The following CSNK1G3 variants were observed in gnomAD, a reference collection of about 807,000 sequenced individuals.
CSNK1G3 encodes casein kinase 1 gamma 3.
CSNK1G3 carries 23 observed loss-of-function variants against 64.3 expected under a neutral mutation model. That is an observed-to-expected ratio of 0.36 (90% CI 0.26 to 0.51). CSNK1G3 has a LOEUF of 0.51. Among genes scored for constraint, CSNK1G3 ranks in the 20% least tolerant of loss-of-function variants. The probability of loss-of-function intolerance (pLI) is 0.96; values close to 1 mark genes in which losing one functional copy is unlikely to be tolerated. For synonymous variants in CSNK1G3, 158 were observed against 162.2 expected, an observed-to-expected ratio of 0.97 and a Z score of 0.20; for missense variants, 357 against 510.5, an observed-to-expected ratio of 0.70 and a Z score of 2.90.
chr5:123,568,239 C>T (rs192885212), intron 4 of CSNK1G3, among the ~76,000 whole-genome samples: 1 of 152,236 alleles, frequency 6.6e-6, no homozygotes, highest in East Asian at 1.9e-4. Flanking sequence ...AATGGTTTCG[C>T]TGGGATTCAG....
At chr5:123,587,336 A>T (rs1362383064) in intron 6 of CSNK1G3, among the ~76,000 whole-genome samples, 1 of 152,168 alleles carries the variant, frequency 6.6e-6, no homozygotes, top group African/African-American at 2.4e-5. Flanking sequence ...TATTATTTTG[A>T]AACATCAAGA....
intron 4 of CSNK1G3, among the ~76,000 whole-genome samples, chr5:123,573,131 G>A (rs1788456312): frequency 6.6e-6 from 1 of 152,144 alleles, no homozygotes; most frequent in African/African-American, 2.4e-5. Context: ...GTAATAAGGT[G>A]GTAGAGAGAA....
chr5:123,545,988 T>C, intron 2 of CSNK1G3, 147 bp downstream of exon 2: 1 of 743,190 alleles, frequency 1.3e-6, no homozygotes, highest in Non-Finnish European at 2.2e-6. Context: ...AAATTTCTTT[T>C]GTAGTTGTAT....
At chr5:123,576,073 T>C (rs1024924080) in intron 6 of CSNK1G3, 110 bp downstream of exon 6, 7 of 623,408 alleles carry the variant, frequency 1.1e-5, no homozygotes. Context: ...GCTTTTATTA[T>C]AATTTTCATT....
intron 10 of CSNK1G3, among the ~76,000 whole-genome samples, chr5:123,598,096 A>G (rs1215652099): frequency 6.6e-6 from 1 of 152,144 alleles, no homozygotes; most frequent in Non-Finnish European, 1.5e-5. Context: ...ACGTTTGATA[A>G]ACTTTTTCCA....
intron 4 of CSNK1G3, among the ~76,000 whole-genome samples, chr5:123,559,064 T>G (rs1299081154): frequency 2.0e-5 from 3 of 152,320 alleles, no homozygotes; most frequent in East Asian, 3.8e-4. Context: ...TTCCTAAAAA[T>G]TTCAGCAAAA....
At chr5:123,614,296 T>C (rs2151291538) in intron 12 of CSNK1G3, 46 bp from the exon 14 acceptor site, 1 of 1,579,590 alleles carries the variant, frequency 6.3e-7, no homozygotes, top group Non-Finnish European at 8.6e-7. Context: ...AACTTTGTGA[T>C]ATTTTAGTGC....
At chr5:123,600,264 A>C (rs1245432202) in intron 10 of CSNK1G3, among the ~76,000 whole-genome samples, 2 of 152,174 alleles carry the variant, frequency 1.3e-5, no homozygotes, top group Non-Finnish European at 2.9e-5. Flanking sequence ...TAATTAAAAT[A>C]TTTGGTTAAT....
chr5:123,614,550 C>A, exon 13 of CSNK1G3: 54 of 525,014 alleles, frequency 1.0e-4, no homozygotes, highest in East Asian at 1.5e-4. Context: ...GGTTGTCTTA[C>A]ATTCTTTTTC....
intron 1 of CSNK1G3, among the ~76,000 whole-genome samples, chr5:123,527,175 T>G (rs1178690263): frequency 1.3e-5 from 2 of 152,318 alleles, no homozygotes; most frequent in South Asian, 4.1e-4. Flanking sequence ...TTAGAAATAG[T>G]GATTTACGGG....
chr5:123,517,184 C>A lies in CSNK1G3; in HGVS notation c.-248+4614C>A, dbSNP rs1777322450. Among the ~76,000 whole-genome samples the A allele has an allele frequency of 3.3e-5, 5 of 152,136 alleles. No individual in the cohort carries two copies. The South Asian group carries it at 1.0e-3, about 32-fold the overall frequency. ...CTCTCATACCTGACCTCTGCTTAAC[C>A]CACTCGTGAGATTAAATGATAGTCT... On this transcript the variant is annotated intron_variant, in intron 1 of 12. Coordinates refer to ENST00000345990, the Ensembl canonical transcript of CSNK1G3.
intron 4 of CSNK1G3, among the ~76,000 whole-genome samples, chr5:123,569,642 A>C (rs920110057): frequency 6.6e-6 from 1 of 152,210 alleles, no homozygotes; most frequent in Non-Finnish European, 1.5e-5. Context: ...AGCATATAAA[A>C]ATTTTTACAA....
At chr5:123,515,827 C>T (rs1157511759) in intron 1 of CSNK1G3, among the ~76,000 whole-genome samples, 2 of 152,080 alleles carry the variant, frequency 1.3e-5, no homozygotes, top group Non-Finnish European at 2.9e-5. Context: ...AACAATACCT[C>T]CTATAATTTA....
At chr5:123,600,176 C>T (rs1022880934) in intron 10 of CSNK1G3, among the ~76,000 whole-genome samples, 1 of 151,876 alleles carries the variant, frequency 6.6e-6, no homozygotes, top group African/African-American at 2.4e-5. Context: ...TTATAGATGC[C>T]TTTTTAAAAA....
chr5:123,606,335 A>G (rs1795364374), intron 12 of CSNK1G3, among the ~76,000 whole-genome samples: 1 of 152,142 alleles, frequency 6.6e-6, no homozygotes, highest in Admixed American at 6.6e-5. Flanking sequence ...TTTTAAATCA[A>G]ATATAAAAAC....
chr5:123,539,931 T>TG (rs775851166), intron 1 of CSNK1G3, among the ~76,000 whole-genome samples: 4 of 152,322 alleles, frequency 2.6e-5, no homozygotes, highest in Middle Eastern at 6.8e-3. Flanking sequence ...CTAAAGTTAC[T>TG]CATAGTCCTT....
rs758821874 is a variant in CSNK1G3 at position 123,588,157 on chromosome 5, AT to A, written c.759+6del. The A allele has an allele frequency of 1.3e-6, 2 of 1,581,558 alleles. No homozygotes were observed. The highest frequency in any genetic ancestry group is 8.7e-7 in the Non-Finnish European group (1 of 1,152,290). The stretch of plus-strand genomic sequence containing the variant: ...TCTTCCTTGGCAAGGCTTAAAGGTA[AT>A]TGTTTTTGTGTTTCTTTATTGAATT... On this transcript the variant is annotated splice_donor_5th_base_variant and intron_variant, in intron 7 of 12. Coordinates refer to ENST00000345990, the Ensembl canonical transcript of CSNK1G3.
chr5:123,550,382 G>A (rs760040153), intron 2 of CSNK1G3, among the ~76,000 whole-genome samples: 10 of 152,162 alleles, frequency 6.6e-5, no homozygotes, highest in Non-Finnish European at 1.3e-4. Context: ...ATTCCTTTCT[G>A]GAAGTGAGGA....
chr5:123,593,202 T>TACACACACAC (rs1554081831), intron 10 of CSNK1G3, among the ~76,000 whole-genome samples: 20 of 146,930 alleles, frequency 1.4e-4, no homozygotes, highest in South Asian at 4.3e-4. Flanking sequence ...TGTGTATATA[T>TACACACACAC]ACACACACAC....
Sources: gnomAD v4.1 joint callset for allele counts (sites outside exome capture counted in the v4.1 genomes callset) on GRCh38, gnomAD v4.1.1 for gene constraint, MANE v1.5 for transcripts, NCBI Gene and HGNC (gene_info 2026-07-23, HGNC 2026-07-21) for gene names.